PCDH9: variants seen among roughly 807,000 people sequenced by gnomAD.
PCDH9 encodes protocadherin-9.
PCDH9 carries 24 observed loss-of-function variants against 70.6 expected under a neutral mutation model. The observed-to-expected ratio is 0.34, with a 90% confidence interval of 0.25 to 0.48. PCDH9 has a LOEUF of 0.48. Ranked by LOEUF, PCDH9 falls within the 20% of genes least tolerant of loss-of-function variation. The pLI, the probability that PCDH9 is intolerant of heterozygous loss-of-function variation, is 0.99. For missense variants in PCDH9, 1,281 were observed against 1,503.6 expected, an observed-to-expected ratio of 0.85 and a Z score of 2.45; for synonymous variants, 562 against 558.5, an observed-to-expected ratio of 1.01 and a Z score of -0.09.
At chr13:66,775,863 T>TAGA (rs2079883548) in intron 3 of PCDH9, among the ~76,000 whole-genome samples, 1 of 152,096 alleles carries the variant, frequency 6.6e-6, no homozygotes, top group Non-Finnish European at 1.5e-5. Context: ...CGTTCAACTG[T>TAGA]GTTGACCCTT....
At chr13:67,127,224 C>T (rs1263866267) in intron 2 of PCDH9, among the ~76,000 whole-genome samples, 3 of 152,288 alleles carry the variant, frequency 2.0e-5, no homozygotes, top group African/African-American at 4.8e-5. Context: ...GAGGCTGACT[C>T]AGCTGACCCG....
chr13:67,200,314 A>G (rs996646100), intron 2 of PCDH9, among the ~76,000 whole-genome samples: 12 of 152,098 alleles, frequency 7.9e-5, no homozygotes, highest in African/African-American at 2.9e-4. Context: ...AAGCAAATGC[A>G]TCCCTACACA....
chr13:66,799,152 C>T (rs977054998), intron 3 of PCDH9, among the ~76,000 whole-genome samples: 2 of 152,076 alleles, frequency 1.3e-5, no homozygotes, highest in African/African-American at 4.8e-5. Context: ...TTTTACTATG[C>T]TTTCTTTTAT....
intron 4 of PCDH9, among the ~76,000 whole-genome samples, chr13:66,510,668 T>C (rs1959428933): frequency 6.6e-6 from 1 of 152,212 alleles, no homozygotes; most frequent in Non-Finnish European, 1.5e-5. Flanking sequence ...GCTTCATCCA[T>C]GTCCCTACAA....
In PCDH9 at chr13:67,130,742, C is replaced by T. The variant is rs368131153; in HGVS notation, c.3036+94663G>A. Among the ~76,000 whole-genome samples, 7 of 152,222 alleles carry T rather than the reference C, an allele frequency of 4.6e-5. No individual in the cohort carries two copies. The East Asian group carries it at 7.7e-4, about 17-fold the overall frequency. On this transcript the variant is annotated intron_variant, in intron 2 of 4. Transcript: ENST00000377865. ...CATCATAGGAACATCTTATCAATAT[C>T]CTGCCAGGCAGCAAGCCATATTGCC...
At chr13:66,881,953 A>G (rs2081928369) in intron 3 of PCDH9, among the ~76,000 whole-genome samples, 1 of 152,212 alleles carries the variant, frequency 6.6e-6, no homozygotes, top group Non-Finnish European at 1.5e-5. Flanking sequence ...TTTAGTAGTG[A>G]CATTATTTTA....
intron 2 of PCDH9, among the ~76,000 whole-genome samples, chr13:66,962,895 A>G (rs1400830460): frequency 6.6e-6 from 1 of 152,114 alleles, no homozygotes; most frequent in Non-Finnish European, 1.5e-5. Context: ...TATTTCAATT[A>G]TTATGTTGTA....
At chr13:66,692,045 CT>C (rs2078495403) in intron 3 of PCDH9, among the ~76,000 whole-genome samples, 1 of 152,142 alleles carries the variant, frequency 6.6e-6, no homozygotes, top group Middle Eastern at 3.2e-3. Context: ...CTATTTACAA[CT>C]TTACACATGG....
chr13:66,754,268 C>A lies in PCDH9; in HGVS notation c.3139-122857G>T, dbSNP rs185247967. ...TGGAGGAATAGCATTAGGGGAAATA[C>A]CTAATGTAGATGATGGGTTGATGGG... On this transcript the variant is annotated intron_variant, in intron 3 of 4. Transcript: ENST00000377865. Among the ~76,000 whole-genome samples the A allele has an allele frequency of 1.2e-3, 181 of 152,102 alleles. 1 individual carries two copies. The highest frequency in any genetic ancestry group is 4.0e-3 in the African/African-American group (166 of 41,492).
chr13:66,341,554 G>A (rs562853866), intron 4 of PCDH9, among the ~76,000 whole-genome samples: 5 of 152,132 alleles, frequency 3.3e-5, no homozygotes, highest in East Asian at 1.9e-4. Context: ...ATCTGAACCC[G>A]CATTTTAACA....
chr13:67,150,257 G>A (rs1052060458), intron 2 of PCDH9, among the ~76,000 whole-genome samples: 2 of 152,020 alleles, frequency 1.3e-5, no homozygotes, highest in African/African-American at 2.4e-5. Flanking sequence ...GGCTGGCCTC[G>A]AACTCCCGAC....
intron 2 of PCDH9, among the ~76,000 whole-genome samples, chr13:67,133,424 A>G (rs2087154601): frequency 6.6e-6 from 1 of 152,100 alleles, no homozygotes; most frequent in African/African-American, 2.4e-5. Context: ...ATTTGCATAG[A>G]GGCTGAATGA....
At chr13:66,972,400 T>A (rs1049192004) in intron 2 of PCDH9, among the ~76,000 whole-genome samples, 8 of 151,966 alleles carry the variant, frequency 5.3e-5, no homozygotes, top group African/African-American at 1.9e-4. Flanking sequence ...CTCTTAAAAG[T>A]ATATTTTCTG....
intron 3 of PCDH9, among the ~76,000 whole-genome samples, chr13:66,649,975 A>C (rs1160482715): frequency 1.3e-5 from 2 of 151,784 alleles, no homozygotes; most frequent in Non-Finnish European, 2.9e-5. Flanking sequence ...AAAAAAACAC[A>C]AACACACAAC....
At position 66,631,389 on chromosome 13, in the gene PCDH9, T is replaced by C. The variant is rs773761461; in HGVS notation, c.3161A>G (p.His1054Arg). The C allele has an allele frequency of 1.2e-6, 2 of 1,610,948 alleles. No individual in the cohort carries two copies. The highest frequency in any genetic ancestry group is 2.2e-5 in the South Asian group (2 of 91,012). The stretch of plus-strand genomic sequence containing the variant: ...GCTTTCCTGGGAGCCATCAGGGAGA[T>C]GAAACGTAACACGGCGCTGCGACTA... The part of the protein sequence containing the change: ...HYESQRRVTF[H>R]LPDGSQESCS... Residue 1054 changes from histidine to arginine, a missense_variant, in exon 4 of 5, where the codon CAT becomes CGT. Transcript: ENST00000377865.
At chr13:67,049,329 C>T (rs1289940184) in intron 2 of PCDH9, among the ~76,000 whole-genome samples, 1 of 152,136 alleles carries the variant, frequency 6.6e-6, no homozygotes, top group Non-Finnish European at 1.5e-5. Context: ...ATGTTTCTAA[C>T]AGTAGCAATA....
intron 2 of PCDH9, among the ~76,000 whole-genome samples, chr13:66,980,047 T>C (rs552987126): frequency 2.6e-5 from 4 of 152,122 alleles, no homozygotes. Flanking sequence ...ATACTATTTA[T>C]GTAGCAATGA....
At chr13:66,606,413 T>C (rs111611569) in intron 4 of PCDH9, among the ~76,000 whole-genome samples, 2 of 152,118 alleles carry the variant, frequency 1.3e-5, no homozygotes, top group Admixed American at 1.3e-4. Context: ...GTAGATTAGA[T>C]AACAATAAGT....
intron 4 of PCDH9, among the ~76,000 whole-genome samples, chr13:66,394,188 T>C (rs1029707846): frequency 6.6e-6 from 1 of 152,114 alleles, no homozygotes; most frequent in South Asian, 2.1e-4. Flanking sequence ...TTTTTAGGGG[T>C]CACTCACCTA....
Sources: allele counts gnomAD v4.1 joint callset (sites outside exome capture counted in the v4.1 genomes callset), GRCh38; gene constraint gnomAD v4.1.1; transcripts MANE v1.5; gene names NCBI Gene and HGNC (gene_info 2026-07-23, HGNC 2026-07-21).